Variants in ASTN1 observed in about 807,000 individuals in gnomAD.
The protein encoded by ASTN1 is astrotactin 1.
In ASTN1, 41 loss-of-function variants were observed where a neutral mutation model predicts 140.7. That is an observed-to-expected ratio of 0.29 (90% CI 0.23 to 0.38). The LOEUF (loss-of-function observed/expected upper bound fraction) is 0.38, where lower values mean the gene tolerates loss of function less well. Among genes scored for constraint, ASTN1 ranks in the 10% least tolerant of loss-of-function variants. ASTN1 has a pLI of 1.00. For synonymous variants in ASTN1, 640 were observed against 652.2 expected (o/e 0.98, Z 0.29); for missense variants, 1,479 against 1,678.8 (o/e 0.88, Z 2.08).
intron 1 of ASTN1, among the ~76,000 whole-genome samples, chr1:177,066,982 T>A (rs891634281): frequency 2.0e-5 from 3 of 152,142 alleles, no homozygotes; most frequent in Non-Finnish European, 4.4e-5. Flanking sequence ...CTGCAGTCTT[T>A]CAAGGTTGAG....
At chr1:176,903,340 A>G (rs1470125344) in intron 16 of ASTN1, among the ~76,000 whole-genome samples, 1 of 151,634 alleles carries the variant, frequency 6.6e-6, no homozygotes, top group Admixed American at 6.6e-5. Context: ...CTCTGCTCCC[A>G]TCATTCCTTG....
chr1:177,064,725 A>C (rs866475328), intron 1 of ASTN1, among the ~76,000 whole-genome samples: 21 of 152,254 alleles, frequency 1.4e-4, no homozygotes, highest in Admixed American at 3.3e-4. Context: ...ATGCCTACCA[A>C]GGGTGCCCAT....
rs967126995 is a variant in ASTN1, at chr1:176,868,869, G to T, written c.3622C>A (p.Arg1208=). The T allele has an allele frequency of 3.1e-6, 5 of 1,606,276 alleles. No individual in the cohort carries two copies. The Admixed American group carries it at 8.4e-5, about 27-fold the overall frequency. Residue 1208 remains arginine (R), a synonymous_variant, in exon 22 of 23, where the codon CGA becomes AGA. Transcript: ENST00000361833. ...HYESFGEFTW[R]CEDELGPRKA... is the part of the protein sequence containing the mutation. ...CTGGGACCTAACTCATCCTCACATC[G>T]CCAGGTGAATTCCCCAAAACTCTCA...
At chr1:176,937,803 T>C (rs1671513133) in intron 14 of ASTN1, among the ~76,000 whole-genome samples, 1 of 152,144 alleles carries the variant, frequency 6.6e-6, no homozygotes, top group South Asian at 2.1e-4. Flanking sequence ...ACAAATATAA[T>C]GGCAATAATA....
chr1:176,994,661 T>C lies in ASTN1; in HGVS notation c.1523+20130A>G, dbSNP rs533719490. On this transcript the variant is annotated intron_variant, in intron 8 of 22. Coordinates refer to ENST00000361833, the MANE Select transcript of ASTN1 (RefSeq NM_004319.3). ...CCCTGTCAAGGATTTTGCCTTCTTA[T>C]AAATCATTAGCTATAACCTTTGTTT... 3.9e-5 allele frequency among the ~76,000 whole-genome samples: 6 copies of C among 152,290 alleles called. No individual in the cohort carries two copies. In the East Asian group the frequency reaches 1.2e-3, roughly 29 times the overall value.
At chr1:176,997,837 G>A (rs1674526616) in intron 8 of ASTN1, among the ~76,000 whole-genome samples, 1 of 152,098 alleles carries the variant, frequency 6.6e-6, no homozygotes, top group Admixed American at 6.5e-5. Context: ...GTTAGAAAAG[G>A]CTTTATGATG....
At chr1:176,871,587 A>G (rs184435906) in intron 21 of ASTN1, among the ~76,000 whole-genome samples, 2 of 152,272 alleles carry the variant, frequency 1.3e-5, no homozygotes, top group Admixed American at 1.3e-4. Context: ...CCAATCTCCT[A>G]AAACCACGAT....
chr1:177,146,775 A>T (rs1220163527), intron 1 of ASTN1, among the ~76,000 whole-genome samples: 2 of 152,204 alleles, frequency 1.3e-5, no homozygotes, highest in Admixed American at 1.3e-4. Context: ...TTTCAAAAAA[A>T]TTTCAGCCAA....
At chr1:177,084,846 A>G (rs7529430) in intron 1 of ASTN1, among the ~76,000 whole-genome samples, 69,191 of 151,716 alleles carry the variant, frequency 0.46, 17,212 homozygotes, top group Non-Finnish European at 0.57. Context: ...CCCTTAAAAC[A>G]TAAGCTTGTG....
intron 8 of ASTN1, among the ~76,000 whole-genome samples, chr1:176,996,449 G>A (rs552290698): frequency 2.6e-5 from 4 of 152,146 alleles, no homozygotes; most frequent in South Asian, 4.2e-4. Flanking sequence ...ATCCCATGGC[G>A]CCTTAGATTA....
chr1:176,994,104 C>T (rs1003372784), intron 8 of ASTN1, among the ~76,000 whole-genome samples: 1 of 151,232 alleles, frequency 6.6e-6, no homozygotes, highest in Admixed American at 6.6e-5. Flanking sequence ...TTCACCCCAC[C>T]CCCCCCGCCA....
At chr1:176,857,741 G>A (rs1469413140), downstream of ASTN1, 7 of 424,048 alleles carry the variant, frequency 1.7e-5, no homozygotes, top group East Asian at 3.5e-5. Context: ...GTTGGAAAAT[G>A]GATGTGAGAA....
chr1:176,921,386 A>G (rs967827069), intron 16 of ASTN1, among the ~76,000 whole-genome samples: 1 of 152,210 alleles, frequency 6.6e-6, no homozygotes, highest in Non-Finnish European at 1.5e-5. Flanking sequence ...GGGTTCCATT[A>G]TTTGTTGGTT....
intron 5 of ASTN1, among the ~76,000 whole-genome samples, chr1:177,026,567 T>C (rs1328480566): frequency 6.6e-6 from 1 of 152,184 alleles, no homozygotes; most frequent in Non-Finnish European, 1.5e-5. Flanking sequence ...GTATTTTTAG[T>C]CTTCTGAGGG....
At chr1:176,973,299 C>A (rs530004730) in intron 8 of ASTN1, among the ~76,000 whole-genome samples, 25 of 152,294 alleles carry the variant, frequency 1.6e-4, no homozygotes, top group Admixed American at 5.2e-4. Flanking sequence ...CCGACCTTCA[C>A]CCACCTCATG....
chr1:177,029,569 C>T lies in ASTN1; in HGVS notation c.1120+65G>A, dbSNP rs73045471. On this transcript the variant is annotated intron_variant, in intron 5 of 22. Transcript: ENST00000361833. ...CCCACAACCCAACCCAACACCTCTT[C>T]GCCTTCCCCCGCCTCCCTCACTCCC... 5,566 of 1,513,200 alleles carry T rather than the reference C, an allele frequency of 3.7e-3. 167 individuals carry two copies. In the African/African-American group the frequency reaches 0.064, roughly 17 times the overall value. 93.7% of individuals were successfully genotyped at this position (1,513,200 alleles called of 1,614,324 possible).
intron 11 of ASTN1, among the ~76,000 whole-genome samples, chr1:176,953,218 C>A (rs1008226383): frequency 1.3e-5 from 2 of 152,206 alleles, no homozygotes; most frequent in Admixed American, 1.3e-4. Flanking sequence ...GGAAGACTCA[C>A]TAAGATGCAT....
At chr1:176,930,755 A>C (rs989529591) in intron 16 of ASTN1, among the ~76,000 whole-genome samples, 1 of 152,180 alleles carries the variant, frequency 6.6e-6, no homozygotes. Context: ...AACAGCTGAA[A>C]GTGATAATTT....
At chr1:177,155,960 A>G (rs1164652489) in intron 1 of ASTN1, among the ~76,000 whole-genome samples, 1 of 152,096 alleles carries the variant, frequency 6.6e-6, no homozygotes, top group African/African-American at 2.4e-5. Context: ...TTGGTTTCTA[A>G]CATCATCCTC....
Sources: allele counts gnomAD v4.1 joint callset (sites outside exome capture counted in the v4.1 genomes callset), GRCh38; gene constraint gnomAD v4.1.1; transcripts MANE v1.5; gene names NCBI Gene and HGNC (gene_info 2026-07-23, HGNC 2026-07-21).